Variants in SEMA6D observed in about 807,000 individuals in gnomAD.
SEMA6D encodes the protein semaphorin 6D, also known as semaphorin-6D.
A neutral mutation model predicts 106.6 loss-of-function variants in SEMA6D; 35 were observed. The observed-to-expected ratio is 0.33, with a 90% CI of 0.25 to 0.44. SEMA6D has a LOEUF of 0.44. SEMA6D is among the 20% of genes least tolerant of loss of function. The pLI is 1.00. For missense variants in SEMA6D, 1,185 were observed against 1,345.9 expected (o/e 0.88, Z 1.87); for synonymous variants, 499 against 487.7 (o/e 1.02, Z -0.31).
intron 3 of SEMA6D, among the ~76,000 whole-genome samples, chr15:47,591,072 G>C (rs532543945): frequency 2.0e-4 from 30 of 152,308 alleles, no homozygotes; most frequent in African/African-American, 6.7e-4. Context: ...CACAGTTGTA[G>C]ATGTAGGGAA....
In SEMA6D at chr15:47,475,671, G is replaced by A. The variant is rs138558357; in HGVS notation, c.-87+5126G>A. On this transcript the variant is annotated intron_variant, in intron 3 of 19. Coordinates refer to the SEMA6D transcript ENST00000558014. ...AAGCTGAAAGAGAGGAAAGTTGCCA[G>A]CATCCCAGTTCATAGTAAGTCAGAT... 9.6e-4 allele frequency among the ~76,000 whole-genome samples: 146 copies of A among 152,262 alleles called. 1 individual carries two copies. The East Asian group carries it at 0.021, about 22-fold the overall frequency.
intron 1 of SEMA6D, among the ~76,000 whole-genome samples, chr15:47,298,661 G>A (rs1385322292): frequency 2.0e-5 from 3 of 152,088 alleles, no homozygotes; most frequent in African/African-American, 7.2e-5. Flanking sequence ...GGCTGCAGGG[G>A]TGGTGAGAGT....
chr15:47,449,999 TGA>T (rs1008162408), intron 2 of SEMA6D, among the ~76,000 whole-genome samples: 11 of 151,998 alleles, frequency 7.2e-5, no homozygotes, highest in African/African-American at 2.7e-4. Context: ...GTGATCCTAG[TGA>T]GAGTTATTTT....
chr15:47,769,888 C>T lies in SEMA6D; in HGVS notation c.1934-609C>T, dbSNP rs1239754376. On this transcript the variant is annotated intron_variant, in intron 18 of 18. Transcript: ENST00000536845. ...AGACTGTCTGGGTTTCTTACATAGTCGGTCATTCAAGAGTGCTTCACCCCA... is the reference window on the plus strand; with the variant it reads ...AGACTGTCTGGGTTTCTTACATAGTTGGTCATTCAAGAGTGCTTCACCCCA... 7.3e-5 allele frequency among the ~76,000 whole-genome samples: 11 copies of T among 151,598 alleles called. No homozygotes were observed. In the East Asian group the frequency reaches 1.4e-3, roughly 19 times the overall value.
chr15:47,381,774 G>A (rs281261), intron 1 of SEMA6D, among the ~76,000 whole-genome samples: 1 of 151,982 alleles, frequency 6.6e-6, no homozygotes, highest in African/African-American at 2.4e-5. Context: ...GTTTTAAACT[G>A]TAACATTTTA....
At chr15:47,412,220 A>T (rs913263418) in intron 1 of SEMA6D, among the ~76,000 whole-genome samples, 1 of 152,050 alleles carries the variant, frequency 6.6e-6, no homozygotes, top group African/African-American at 2.4e-5. Flanking sequence ...AGAGAGAGGA[A>T]AAAAAAAGAA....
Position 47,655,720 on chromosome 15 carries a change from C to A in SEMA6D, c.-55+54824C>A, listed in dbSNP as rs2077779622. On this transcript the variant is annotated intron_variant, in intron 4 of 19. Transcript: ENST00000558014. ...CTCTCTATTAAAAAGCATCTCTACA[C>A]CTTAGCTTTTTCATCTGTAAGCTGG... 2.0e-5 allele frequency among the ~76,000 whole-genome samples: 3 copies of A among 152,228 alleles called. 1 individual carries two copies. In the South Asian group the frequency reaches 6.2e-4, roughly 32 times the overall value.
At chr15:47,557,819 C>CAG (rs1475599252) in intron 3 of SEMA6D, among the ~76,000 whole-genome samples, 1 of 152,144 alleles carries the variant, frequency 6.6e-6, no homozygotes, top group African/African-American at 2.4e-5. Context: ...GGTAACTCTG[C>CAG]TGTTAGAACG....
Position 47,763,496 on chromosome 15 carries a change from G to A in SEMA6D, c.748-354G>A, listed in dbSNP as rs564803386. On this transcript the variant is annotated intron_variant, in intron 9 of 18. Coordinates refer to ENST00000536845, the MANE Select transcript of SEMA6D (RefSeq NM_001358351.3). The stretch of plus-strand genomic sequence containing the variant: ...TTAGTGTTTCAGTGAAAGCCCATGT[G>A]ATTTTAAAGTATTGCAACCCCTTCT... Among the ~76,000 whole-genome samples, 9 of 152,268 alleles carry A rather than the reference G, an allele frequency of 5.9e-5. 1 individual carries two copies. The highest frequency in any genetic ancestry group is 1.0e-4 in the Non-Finnish European group (7 of 68,014).
intron 1 of SEMA6D, among the ~76,000 whole-genome samples, chr15:47,221,724 G>T (rs1409832363): frequency 6.6e-6 from 1 of 152,112 alleles, no homozygotes; most frequent in Non-Finnish European, 1.5e-5. Flanking sequence ...TTACAGATTT[G>T]TAGACATCTT....
intron 3 of SEMA6D, among the ~76,000 whole-genome samples, chr15:47,570,652 G>C (rs553636086): frequency 6.6e-6 from 1 of 152,106 alleles, no homozygotes; most frequent in African/African-American, 2.4e-5. Context: ...CAGCAGGCCC[G>C]GCGCAGCCTC....
chr15:47,228,594 C>G (rs1472494125), intron 1 of SEMA6D, among the ~76,000 whole-genome samples: 1 of 151,950 alleles, frequency 6.6e-6, no homozygotes, highest in Non-Finnish European at 1.5e-5. Context: ...TAGCTTCCTC[C>G]TTTTTAGTTT....
chr15:47,499,174 G>C (rs2043764697), intron 3 of SEMA6D, among the ~76,000 whole-genome samples: 1 of 152,142 alleles, frequency 6.6e-6, no homozygotes, highest in Non-Finnish European at 1.5e-5. Flanking sequence ...TACGAAACTT[G>C]TTAAAGGTTG....
intron 1 of SEMA6D, among the ~76,000 whole-genome samples, chr15:47,321,261 G>A (rs1214679596): frequency 6.6e-6 from 1 of 152,140 alleles, no homozygotes; most frequent in African/African-American, 2.4e-5. Flanking sequence ...ACTAAATCAT[G>A]TGCGACAGAA....
intron 3 of SEMA6D, among the ~76,000 whole-genome samples, chr15:47,520,563 A>G (rs1441777219): frequency 6.6e-6 from 1 of 152,240 alleles, no homozygotes; most frequent in Non-Finnish European, 1.5e-5. Context: ...CTGTCAGAAT[A>G]CATTGCAAAA....
At chr15:47,209,394 G>A (rs1192844805) in intron 1 of SEMA6D, among the ~76,000 whole-genome samples, 1 of 152,110 alleles carries the variant, frequency 6.6e-6, no homozygotes, top group East Asian at 1.9e-4. Flanking sequence ...ATTTCAAAGA[G>A]TACAGTTTTG....
At chr15:47,321,037 T>C (rs2036902057) in intron 1 of SEMA6D, among the ~76,000 whole-genome samples, 1 of 152,168 alleles carries the variant, frequency 6.6e-6, no homozygotes, top group Admixed American at 6.5e-5. Context: ...TGTGATTACT[T>C]TAGAAATATT....
At chr15:47,556,467 G>A (rs1596312602) in intron 3 of SEMA6D, among the ~76,000 whole-genome samples, 1 of 152,262 alleles carries the variant, frequency 6.6e-6, no homozygotes, top group African/African-American at 2.4e-5. Flanking sequence ...TGTCGAATTT[G>A]TTTAAGTTGA....
At chr15:47,365,672 C>T (rs573310547) in intron 1 of SEMA6D, among the ~76,000 whole-genome samples, 1 of 151,470 alleles carries the variant, frequency 6.6e-6, no homozygotes, top group Non-Finnish European at 1.5e-5. Flanking sequence ...ACCAGCCTGG[C>T]CAACATGGTG....
Sources: allele counts gnomAD v4.1 joint callset (sites outside exome capture counted in the v4.1 genomes callset), GRCh38; gene constraint gnomAD v4.1.1; transcripts MANE v1.5; gene names NCBI Gene and HGNC (gene_info 2026-07-23, HGNC 2026-07-21).